VCPIP1: variants seen among roughly 807,000 people sequenced by gnomAD.
VCPIP1 encodes valosin containing protein interacting protein 1.
Under a neutral mutation model 85.0 loss-of-function variants are expected in VCPIP1, and 8 were observed. That is an observed-to-expected ratio of 0.09 (90% CI 0.06 to 0.17). The LOEUF (loss-of-function observed/expected upper bound fraction) is 0.17. VCPIP1 is among the 10% of genes least tolerant of loss of function. The pLI is 1.00. For synonymous variants in VCPIP1, 543 were observed against 544.5 expected (o/e 1.00, Z 0.04); for missense variants, 1,070 against 1,486.3 (o/e 0.72, Z 4.61).
Position 66,666,788 on chromosome 8 carries a change from A to C in VCPIP1, c.171T>G (p.Arg57=), listed in dbSNP as rs754591345. 3.1e-6 allele frequency: 5 copies of C among 1,613,504 alleles called. No individual in the cohort carries two copies. The South Asian group carries it at 5.5e-5, about 18-fold the overall frequency. The change falls in exon 1 of 3, where the codon CGT becomes CGG. Residue 57 remains arginine, a synonymous_variant. Coordinates refer to ENST00000310421, the MANE Select transcript of VCPIP1 (RefSeq NM_025054.5). This position sits in a 1 kb window ranked among gnomAD's most constrained non-coding sequence, Gnocchi z 6.3. ...CAGAACCGGAGGCCGGGAAAAATAG[A>C]CGCGCCTGACACTTCGGATCCGGGC... is the stretch of plus-strand genomic sequence containing the variant. The part of the protein sequence containing the change: ...GSCPDPKCQA[R]LFFPASGSVS...
chr8:66,657,879 CT>C (rs1811115148), intron 1 of VCPIP1, among the ~76,000 whole-genome samples: 1 of 152,066 alleles, frequency 6.6e-6, no homozygotes, highest in African/African-American at 2.4e-5. Flanking sequence ...CAATATTTGA[CT>C]TAATTTTCAA....
chr8:66,650,368 AT>A (rs1194410204), intron 2 of VCPIP1, among the ~76,000 whole-genome samples: 1 of 152,220 alleles, frequency 6.6e-6, no homozygotes, highest in East Asian at 1.9e-4. Flanking sequence ...CAACAAGATT[AT>A]GCAATTAATG....
At chr8:66,662,311 C>T (rs972492396) in intron 1 of VCPIP1, among the ~76,000 whole-genome samples, 12 of 152,170 alleles carry the variant, frequency 7.9e-5, no homozygotes, top group African/African-American at 2.9e-4. Context: ...TCCTACCCCT[C>T]GACAGAGATT....
At chr8:66,640,834 A>T (rs2130152374) in intron 2 of VCPIP1, among the ~76,000 whole-genome samples, 1 of 152,228 alleles carries the variant, frequency 6.6e-6, no homozygotes, top group African/African-American at 2.4e-5. Flanking sequence ...CACTCAAAAA[A>T]ATCCTCCACA....
Position 66,665,873 on chromosome 8 carries a change from T to C in VCPIP1, c.1086A>G (p.Lys362=), listed in dbSNP as rs1212227230. 1.2e-6 allele frequency: 2 copies of C among 1,614,076 alleles called. No homozygotes were observed. Among genetic ancestry groups the C allele is most frequent in the African/African-American group, 2.7e-5 (2 of 74,932 alleles). ...TAGGCAGTTTGGGCAAAGCAGCCCC[T>C]TTTATGCCTACCAAGGGGATATAAT... The part of the protein sequence containing the change: ...RNHYIPLVGI[K]GAALPKLPMN... The change falls in exon 1 of 3, where the codon AAA becomes AAG. Residue 362 remains lysine (K), a synonymous_variant. Coordinates refer to ENST00000310421, the MANE Select transcript of VCPIP1 (RefSeq NM_025054.5). This position sits in a 1 kb window ranked among gnomAD's most constrained non-coding sequence, Gnocchi z 4.3.
chr8:66,632,083 A>C lies in VCPIP1; in HGVS notation c.*2418T>G, dbSNP rs923976688. On this transcript the variant is annotated 3_prime_UTR_variant, in exon 3 of 3. Coordinates refer to ENST00000310421, the MANE Select transcript of VCPIP1 (RefSeq NM_025054.5). ...TCTAGGGCTAAAAAAAAAAAAAAAA[A>C]CAAATTTACCTGAGATGTCTAGCTT... is the stretch of plus-strand genomic sequence containing the variant. The C allele has an allele frequency of 3.4e-4, 51 of 151,466 alleles. No individual in the cohort carries two copies. Among genetic ancestry groups the C allele is most frequent in the African/African-American group, 1.2e-3 (49 of 41,334 alleles). The allele number at this position is 151,466 out of a possible 1,614,324, so 9.4% of individuals were successfully genotyped here. A position where few individuals can be genotyped will look rare whatever the true frequency, so the allele number is the denominator to read the frequency against.
intron 1 of VCPIP1, among the ~76,000 whole-genome samples, chr8:66,658,896 G>A (rs1811126540): frequency 6.6e-6 from 1 of 152,032 alleles, no homozygotes; most frequent in Admixed American, 6.6e-5. Flanking sequence ...ATTCTTTCAG[G>A]AACAGAGAAA....
rs199836576 is a variant in VCPIP1, at chr8:66,648,404, TATCTA to T, written c.2797+3049_2797+3053del. On this transcript the variant is annotated intron_variant, in intron 2 of 2. Coordinates refer to ENST00000310421, the MANE Select transcript of VCPIP1 (RefSeq NM_025054.5). ...CAATAAAACTGTCTGTCTGTCTATC[TATCTA>T]ATCTAATCTATCTAATTGATCATTT... Among the ~76,000 whole-genome samples the T allele has an allele frequency of 4.1e-3, 623 of 152,304 alleles. 3 individuals are homozygous for T. The highest frequency in any genetic ancestry group is 0.017 in the Middle Eastern group (5 of 294).
chr8:66,645,119 GAA>G (rs1199954255), intron 2 of VCPIP1, among the ~76,000 whole-genome samples: 6 of 56,074 alleles, frequency 1.1e-4, no homozygotes, highest in African/African-American at 7.0e-5. Context: ...CTGTATCCAA[GAA>G]AAAAAAAAAA....
Position 66,634,764 on chromosome 8 carries a change from G to A in VCPIP1, c.3406C>T (p.Leu1136Phe), listed in dbSNP as rs1310949633. 4.3e-6 allele frequency: 7 copies of A among 1,614,238 alleles called. No homozygotes were observed. Among genetic ancestry groups the A allele is most frequent in the Non-Finnish European group, 5.9e-6 (7 of 1,180,040 alleles). ...ACAACTTCTGTTTTCCTTTGAGGAAGATCAGATGGTGACTGCTCTGTACTT... is the reference window on the plus strand; with the variant it reads ...ACAACTTCTGTTTTCCTTTGAGGAAAATCAGATGGTGACTGCTCTGTACTT... ...DQSTEQSPSD[L>F]PQRKTEVVSS... Residue 1136 changes from leucine (L) to phenylalanine (F), a missense_variant, in exon 3 of 3, where the codon CTT (leucine) becomes TTT (phenylalanine). Transcript: ENST00000310421.
rs531709209 is a variant in VCPIP1 at position 66,649,520 on chromosome 8, A to G, written c.2797+1938T>C. Among the ~76,000 whole-genome samples, 22 of 152,274 alleles carry G rather than the reference A, an allele frequency of 1.4e-4. 1 individual carries two copies. The highest frequency in any genetic ancestry group is 5.3e-4 in the African/African-American group (22 of 41,564). On this transcript the variant is annotated intron_variant, in intron 2 of 2. Transcript: ENST00000310421. Reference sequence around the variant, plus strand: ...TGAGACCCTGTCTCTAAAACAAAAAAACAGGCAGCAGACTTGAGATGGCCC... The same window carrying G: ...TGAGACCCTGTCTCTAAAACAAAAAGACAGGCAGCAGACTTGAGATGGCCC...
rs747172215 is a variant in VCPIP1 at position 66,635,210 on chromosome 8, C to T, written c.2960G>A (p.Arg987Gln). The T allele has an allele frequency of 6.2e-7, 1 of 1,614,182 alleles. No homozygotes were observed. ...DLVKEAVSQVRAEATTRSRES... is the reference protein window; with the variant it reads ...DLVKEAVSQVQAEATTRSRES... ...CCTACTTCTTGTAGTAGCCTCTGCT[C>T]GAACCTGACTTACAGCCTCTTTAAC... Residue 987 changes from arginine (R) to glutamine (Q), a missense_variant, in exon 3 of 3, where the codon CGA becomes CAA. Physicochemically the swap from Arg to Gln is conservative, Grantham distance 43 (BLOSUM62 1). This residue lies in a region of VCPIP1 where 255 missense variants were observed against 289.5 expected (regional missense o/e 0.88). Coordinates refer to ENST00000310421, the MANE Select transcript of VCPIP1 (RefSeq NM_025054.5).
intron 1 of VCPIP1, among the ~76,000 whole-genome samples, chr8:66,658,619 G>T (rs1811123435): frequency 6.6e-6 from 1 of 151,920 alleles, no homozygotes; most frequent in South Asian, 2.1e-4. Context: ...CTCCTGAGTA[G>T]CTGGGATTAC....
chr8:66,650,426 C>A, intron 2 of VCPIP1, among the ~76,000 whole-genome samples: 1 of 152,096 alleles, frequency 6.6e-6, no homozygotes, highest in East Asian at 1.9e-4. Context: ...AACGGTAAAT[C>A]TGGGGCCGAA....
chr8:66,647,933 G>A (rs1811012387), intron 2 of VCPIP1, among the ~76,000 whole-genome samples: 1 of 151,870 alleles, frequency 6.6e-6, no homozygotes, highest in Non-Finnish European at 1.5e-5. Context: ...ACAGGCACAA[G>A]CCCAACTATT....
At chr8:66,647,930 C>T (rs527911795) in intron 2 of VCPIP1, among the ~76,000 whole-genome samples, 9 of 151,964 alleles carry the variant, frequency 5.9e-5, no homozygotes, top group Admixed American at 3.3e-4. Flanking sequence ...ACCACAGGCA[C>T]AAGCCCAACT....
chr8:66,662,467 C>T (rs530964125), intron 1 of VCPIP1, among the ~76,000 whole-genome samples: 2 of 152,212 alleles, frequency 1.3e-5, no homozygotes, highest in East Asian at 3.9e-4. Flanking sequence ...TCTGCAGATA[C>T]AGCCTTTCTT....
Position 66,665,370 on chromosome 8 carries a change from T to C in VCPIP1, c.1589A>G (p.Tyr530Cys), listed in dbSNP as rs749379392. ...ACAAGCTGTTAGGTTACTCATTCCA[T>C]AGTCTGGTACCAGAACATCTTTCAC... ...DSVKDVLVPD[Y>C]GMSNLTACNW... The change falls in exon 1 of 3, where the codon TAT becomes TGT. Residue 530 changes from tyrosine (Y) to cysteine (C), a missense_variant. Physicochemically the swap from Tyr to Cys is radical, Grantham distance 194 (BLOSUM62 -2). Around this residue, in one of 8 missense-constraint regions of VCPIP1, gnomAD observed 123 missense variants for 156.3 expected, o/e 0.79. Coordinates refer to ENST00000310421, the MANE Select transcript of VCPIP1 (RefSeq NM_025054.5). The surrounding 1 kb of genome is among the most constrained non-coding windows in gnomAD (Gnocchi z 4.3). 1.1e-5 allele frequency: 18 copies of C among 1,614,078 alleles called. No homozygotes were observed. Among genetic ancestry groups the C allele is most frequent in the East Asian group, 2.2e-5 (1 of 44,896 alleles).
intron 1 of VCPIP1, among the ~76,000 whole-genome samples, chr8:66,660,063 T>C (rs1811141104): frequency 6.6e-6 from 1 of 152,252 alleles, no homozygotes; most frequent in Non-Finnish European, 1.5e-5. Context: ...GATCTGCTGA[T>C]GAAAGCTAAA....
Sources: allele counts gnomAD v4.1 joint callset (sites outside exome capture counted in the v4.1 genomes callset), GRCh38; gene constraint gnomAD v4.1.1; regional missense constraint gnomAD v4.1.1; non-coding constraint Gnocchi (gnomAD v3.1); transcripts MANE v1.5; gene names NCBI Gene and HGNC (gene_info 2026-07-23, HGNC 2026-07-21).